Variants in UBE2D1 observed in about 807,000 individuals in gnomAD.
The protein encoded by UBE2D1 is ubiquitin-conjugating enzyme E2 D1.
In UBE2D1, 9 loss-of-function variants were observed where a neutral mutation model predicts 24.6. That is an observed-to-expected ratio of 0.37 (90% CI 0.22 to 0.64). UBE2D1 has a LOEUF of 0.64. Ranked by LOEUF, UBE2D1 falls within the 30% of genes least tolerant of loss-of-function variation. The pLI is 0.64. For synonymous variants in UBE2D1, 57 were observed against 57.6 expected (o/e 0.99, Z 0.04); for missense variants, 87 against 177.1 (o/e 0.49, Z 2.89).
chr10:58,350,799 T>C (rs1014662860), intron 1 of UBE2D1, among the ~76,000 whole-genome samples: 9 of 152,202 alleles, frequency 5.9e-5, no homozygotes, highest in African/African-American at 2.2e-4. Context: ...AAATGCATCG[T>C]TAGGCAATTT....
At chr10:58,366,559 T>G (rs1840257549) in intron 5 of UBE2D1, among the ~76,000 whole-genome samples, 1 of 152,100 alleles carries the variant, frequency 6.6e-6, no homozygotes, top group African/African-American at 2.4e-5. Context: ...GTTTGTATAT[T>G]TTTTACTTTG....
chr10:58,367,302 AGTGT>A (rs34565317), intron 5 of UBE2D1, among the ~76,000 whole-genome samples: 1 of 149,630 alleles, frequency 6.7e-6, no homozygotes, highest in African/African-American at 2.4e-5. Context: ...TTAGATCGTT[AGTGT>A]GTGTGTGTGT....
chr10:58,345,828 A>G (rs536686410), intron 1 of UBE2D1, among the ~76,000 whole-genome samples: 1 of 152,244 alleles, frequency 6.6e-6, no homozygotes, highest in East Asian at 1.9e-4. Context: ...AAATGAAGAC[A>G]CTAGAATATG....
At chr10:58,335,274 C>G in intron 1 of UBE2D1, 49 bp downstream of exon 1, 6 of 1,488,910 alleles carry the variant, frequency 4.0e-6, no homozygotes, top group Non-Finnish European at 5.3e-6. Context: ...GCCCCCTGCC[C>G]ACGCTGACTC....
chr10:58,364,077 T>C (rs547144206), intron 4 of UBE2D1, among the ~76,000 whole-genome samples: 1 of 152,108 alleles, frequency 6.6e-6, no homozygotes, highest in African/African-American at 2.4e-5. Context: ...GTACCTACTG[T>C]GTTCTTCTAC....
At chr10:58,362,777 A>G (rs1451915843) in intron 3 of UBE2D1, among the ~76,000 whole-genome samples, 1 of 152,116 alleles carries the variant, frequency 6.6e-6, no homozygotes, top group African/African-American at 2.4e-5. Context: ...AAAATCCTCT[A>G]GCATATATGT....
At chr10:58,350,383 G>GAT (rs765574827) in intron 1 of UBE2D1, among the ~76,000 whole-genome samples, 11 of 107,018 alleles carry the variant, frequency 1.0e-4, no homozygotes, top group East Asian at 5.5e-4. Context: ...AGCCCCTTCT[G>GAT]ATATATATAT....
intron 1 of UBE2D1, among the ~76,000 whole-genome samples, chr10:58,338,606 G>A (rs553888338): frequency 2.0e-5 from 3 of 152,076 alleles, no homozygotes; most frequent in African/African-American, 7.2e-5. Context: ...TTTTTTTGGG[G>A]AGGATTATTT....
intron 1 of UBE2D1, among the ~76,000 whole-genome samples, chr10:58,354,999 T>C (rs916978098): frequency 4.6e-5 from 7 of 152,214 alleles, no homozygotes; most frequent in Non-Finnish European, 8.8e-5. Flanking sequence ...TTTTCAAATC[T>C]CGTTATAGTC....
intron 1 of UBE2D1, among the ~76,000 whole-genome samples, chr10:58,351,319 A>T (rs1409965088): frequency 6.6e-6 from 1 of 152,228 alleles, no homozygotes; most frequent in Non-Finnish European, 1.5e-5. Context: ...CACTTTGCTT[A>T]AAACACAAAA....
chr10:58,340,442 C>T (rs557552567), intron 1 of UBE2D1, among the ~76,000 whole-genome samples: 1 of 152,214 alleles, frequency 6.6e-6, no homozygotes, highest in South Asian at 2.1e-4. Context: ...AATCACTTTC[C>T]ATAATTTAAT....
At position 58,354,968 on chromosome 10, in the gene UBE2D1, G is replaced by A. The variant is rs114524902; in HGVS notation, c.25-6370G>A. On this transcript the variant is annotated intron_variant, in intron 1 of 6. Coordinates refer to ENST00000373910, the MANE Select transcript of UBE2D1 (RefSeq NM_003338.5). ...ATAACTATATTTTCCAAACAAAAAA[G>A]TAGAGTGGCATTGTTTTATGTTTTC... Among the ~76,000 whole-genome samples the A allele has an allele frequency of 8.9e-3, 1,354 of 152,178 alleles. 21 individuals carry two copies. Among genetic ancestry groups the A allele is most frequent in the African/African-American group, 0.031 (1,277 of 41,532 alleles).
chr10:58,336,232 C>T (rs1315102579), intron 1 of UBE2D1, among the ~76,000 whole-genome samples: 2 of 152,288 alleles, frequency 1.3e-5, no homozygotes, highest in East Asian at 3.9e-4. Context: ...AGTTACAGTT[C>T]ACACTGGCAA....
intron 5 of UBE2D1, among the ~76,000 whole-genome samples, chr10:58,366,817 A>G (rs1175660816): frequency 1.3e-5 from 2 of 152,002 alleles, no homozygotes; most frequent in Non-Finnish European, 2.9e-5. Flanking sequence ...TCCTAAGCTC[A>G]AGGATTCTTC....
chr10:58,367,091 A>C (rs1840263901), intron 5 of UBE2D1, among the ~76,000 whole-genome samples: 2 of 152,138 alleles, frequency 1.3e-5, no homozygotes, highest in Non-Finnish European at 2.9e-5. Context: ...TTTGCCTGTC[A>C]TTGTAAGAGT....
intron 3 of UBE2D1, among the ~76,000 whole-genome samples, chr10:58,361,880 A>C (rs1840203070): frequency 6.6e-6 from 1 of 151,886 alleles, no homozygotes; most frequent in South Asian, 2.1e-4. Context: ...GTAGGTTAGA[A>C]ATTAGTCTAA....
intron 1 of UBE2D1, among the ~76,000 whole-genome samples, chr10:58,338,849 G>A (rs1044075623): frequency 1.8e-4 from 28 of 152,158 alleles, no homozygotes; most frequent in African/African-American, 6.8e-4. Context: ...TACAAACATA[G>A]CAACTCAGAG....
At chr10:58,350,368 A>T (rs147717139) in intron 1 of UBE2D1, among the ~76,000 whole-genome samples, 41 of 134,342 alleles carry the variant, frequency 3.1e-4, no homozygotes, top group African/African-American at 1.2e-3. Context: ...TGACTAATGA[A>T]ACTGAGCCCC....
rs1839887304 is a variant in UBE2D1 at position 58,335,159 on chromosome 10, G to A, written c.-43G>A. On this transcript the variant is annotated 5_prime_UTR_variant, in exon 1 of 7. Transcript: ENST00000373910. ...ACGACCCACGCCCCTGAGCCCCGCAGCCGACCCCTGCCGGCCGGTGTCCCC... is the reference window on the plus strand; with the variant it reads ...ACGACCCACGCCCCTGAGCCCCGCAACCGACCCCTGCCGGCCGGTGTCCCC... The A allele has an allele frequency of 1.3e-6, 2 of 1,536,318 alleles. No individual in the cohort carries two copies. The highest frequency in any genetic ancestry group is 1.2e-5 in the South Asian group (1 of 83,860).
Sources: allele counts gnomAD v4.1 joint callset (sites outside exome capture counted in the v4.1 genomes callset), GRCh38; gene constraint gnomAD v4.1.1; transcripts MANE v1.5; gene names NCBI Gene and HGNC (gene_info 2026-07-23, HGNC 2026-07-21).